PRDM1: variants seen among roughly 807,000 people sequenced by gnomAD.
PRDM1 encodes PR/SET domain 1.
PRDM1 carries 13 observed loss-of-function variants against 62.8 expected under a neutral mutation model. The observed-to-expected ratio is 0.21, with a 90% CI of 0.13 to 0.33. The LOEUF (loss-of-function observed/expected upper bound fraction) is 0.33. Ranked by LOEUF, PRDM1 falls within the 10% of genes least tolerant of loss-of-function variation. PRDM1 has a pLI of 1.00. For missense variants in PRDM1, 895 were observed against 1,058.8 expected (o/e 0.85, Z 2.15); for synonymous variants, 396 against 417.6 (o/e 0.95, Z 0.63).
intron 1 of PRDM1, among the ~76,000 whole-genome samples, chr6:106,075,703 G>C (rs1773594317): frequency 6.6e-6 from 1 of 152,064 alleles, no homozygotes; most frequent in South Asian, 2.1e-4. Flanking sequence ...TTCAGGTAAA[G>C]TTGCAGCAAG....
Position 106,106,772 on chromosome 6 carries a change from A to T in PRDM1, c.1903-139A>T. 1 of 1,035,702 alleles carries T rather than the reference A, an allele frequency of 9.7e-7. No individual in the cohort carries two copies. The highest frequency in any genetic ancestry group is 2.4e-5 in the East Asian group (1 of 41,078). 64.2% of individuals were successfully genotyped at this position (1,035,702 alleles called of 1,614,324 possible). A position where few individuals can be genotyped will look rare whatever the true frequency, so the allele number is the denominator to read the frequency against. On this transcript the variant is annotated intron_variant, in intron 6 of 6. Transcript: ENST00000369096. The surrounding 1 kb of genome is among the most constrained non-coding windows in gnomAD (Gnocchi z 4.4). ...CATCCCCCCGTTTGCTTAATACCAC[A>T]CTGGAGGTGCCACAAGGAGGCTTCT...
rs1442001161 is a variant in PRDM1, at chr6:106,108,209, A to G, written c.*723A>G. 8.6e-6 allele frequency: 2 copies of G among 233,500 alleles called. No individual in the cohort carries two copies. Among genetic ancestry groups the G allele is most frequent in the Admixed American group, 1.1e-4 (2 of 17,766 alleles). The allele number at this position is 233,500 out of a possible 1,614,324, so 14.5% of individuals were successfully genotyped here. Reference sequence around the variant, plus strand: ...AGAAACAAGAAAGGGAATCTTGTATATTTTTGTTGATAGTTCATGTTTTTC... The same window carrying G: ...AGAAACAAGAAAGGGAATCTTGTATGTTTTTGTTGATAGTTCATGTTTTTC... On this transcript the variant is annotated 3_prime_UTR_variant, in exon 7 of 7. Transcript: ENST00000369096.
intron 1 of PRDM1, among the ~76,000 whole-genome samples, chr6:106,022,426 A>ATT (rs67542176): frequency 1.1e-4 from 15 of 132,728 alleles, no homozygotes; most frequent in African/African-American, 2.3e-4. Flanking sequence ...CGCCCAGCTA[A>ATT]TTTTTTTTTT....
At chr6:106,047,091 C>G (rs1428217357), upstream of PRDM1, among the ~76,000 whole-genome samples, 1 of 152,188 alleles carries the variant, frequency 6.6e-6, no homozygotes, top group Non-Finnish European at 1.5e-5. Context: ...TCTTAACAAA[C>G]AGGACTAAGT....
At chr6:106,071,229 C>T (rs1773510826) in intron 1 of PRDM1, among the ~76,000 whole-genome samples, 1 of 151,918 alleles carries the variant, frequency 6.6e-6, no homozygotes, top group Non-Finnish European at 1.5e-5. Context: ...GCCAAGATCA[C>T]ACCACTGTAC....
chr6:106,067,142 A>G (rs1194755286), intron 1 of PRDM1, among the ~76,000 whole-genome samples: 2 of 152,200 alleles, frequency 1.3e-5, no homozygotes, highest in African/African-American at 4.8e-5. Context: ...CACCACCATT[A>G]CAAACAGCCT....
At chr6:106,025,008 T>C (rs1198323128) in intron 1 of PRDM1, among the ~76,000 whole-genome samples, 1 of 152,066 alleles carries the variant, frequency 6.6e-6, no homozygotes, top group Non-Finnish European at 1.5e-5. Flanking sequence ...CTTCCTTCCC[T>C]TGGCAAGGTA....
chr6:106,028,710 T>C (rs1772797789), intron 1 of PRDM1, among the ~76,000 whole-genome samples: 1 of 152,144 alleles, frequency 6.6e-6, no homozygotes. Flanking sequence ...ACATGTGATG[T>C]CATCACAGTT....
intron 1 of PRDM1, among the ~76,000 whole-genome samples, chr6:106,009,764 C>G (rs1772523651): frequency 6.6e-6 from 1 of 152,130 alleles, no homozygotes; most frequent in Non-Finnish European, 1.5e-5. Context: ...ATTGCCCAGG[C>G]TGGAGTGCAG....
At chr6:105,998,361 G>A (rs779410252) in intron 1 of PRDM1, among the ~76,000 whole-genome samples, 12 of 152,004 alleles carry the variant, frequency 7.9e-5, no homozygotes, top group Non-Finnish European at 1.6e-4. Flanking sequence ...AAGCCAGCCT[G>A]GACAACATAG....
chr6:106,099,303 T>C lies in PRDM1; in HGVS notation c.415T>C (p.Tyr139His). 3.1e-6 allele frequency: 5 copies of C among 1,614,132 alleles called. No homozygotes were observed. The highest frequency in any genetic ancestry group is 3.4e-6 in the Non-Finnish European group (4 of 1,180,012). ...GCCTGTCTTCTCTTTTGGACAGATC[T>C]ATTCCAGAGGGGAGCTTCACCACTT... ...NANRKYFWRIYSRGELHHFID... is the reference protein window; with the variant it reads ...NANRKYFWRIHSRGELHHFID... The change falls in exon 4 of 7, where the codon TAT becomes CAT. Residue 139 changes from tyrosine (Y) to histidine (H), a missense_variant. Transcript: ENST00000369096.
intron 1 of PRDM1, among the ~76,000 whole-genome samples, chr6:106,052,616 G>C (rs1391682786): frequency 6.6e-6 from 1 of 151,970 alleles, no homozygotes; most frequent in Non-Finnish European, 1.5e-5. Context: ...GCATTGGGTA[G>C]GATGGCAGAT....
At chr6:106,033,351 C>T (rs1385668102) in intron 1 of PRDM1, among the ~76,000 whole-genome samples, 1 of 150,256 alleles carries the variant, frequency 6.7e-6, no homozygotes, top group Non-Finnish European at 1.5e-5. Context: ...CAGAATCTCT[C>T]TATATTGCCC....
chr6:106,045,619 T>C (rs1257875371), upstream of PRDM1: 2 of 152,222 alleles, frequency 1.3e-5, no homozygotes, highest in Non-Finnish European at 2.9e-5. Flanking sequence ...GTAAAAACCT[T>C]GTTGACACTC....
rs1481124508 is a variant in PRDM1 at position 105,994,297 on chromosome 6, G to T, written c.-67+658G>T. Among the ~76,000 whole-genome samples the T allele has an allele frequency of 6.6e-6, 1 of 152,044 alleles. No homozygotes were observed. The highest frequency in any genetic ancestry group is 1.5e-5 in the Non-Finnish European group (1 of 68,010). On this transcript the variant is annotated intron_variant, in intron 1 of 6. Transcript: ENST00000652320. This position sits in a 1 kb window ranked among gnomAD's most constrained non-coding sequence, Gnocchi z 4.1. The stretch of plus-strand genomic sequence containing the variant: ...CGTTGTTGGAAAAGCAAATTCCACG[G>T]TGAACTCTACCAAGCTCAGCGCGTA...
At chr6:106,003,338 A>C (rs979307072) in intron 1 of PRDM1, among the ~76,000 whole-genome samples, 2 of 152,166 alleles carry the variant, frequency 1.3e-5, no homozygotes, top group African/African-American at 4.8e-5. Context: ...GGACATTTTA[A>C]ATAATTTAGT....
At chr6:106,036,224 C>T (rs945654756) in intron 1 of PRDM1, among the ~76,000 whole-genome samples, 17 of 152,070 alleles carry the variant, frequency 1.1e-4, no homozygotes, top group African/African-American at 3.9e-4. Context: ...TCTCAGCTTA[C>T]TGGAACCTCT....
intron 1 of PRDM1, among the ~76,000 whole-genome samples, chr6:106,003,749 T>C (rs1329683414): frequency 1.3e-5 from 2 of 152,200 alleles, no homozygotes; most frequent in African/African-American, 4.8e-5. Context: ...TTGTAGGTGG[T>C]TTATCTGGAA....
chr6:106,107,279 G>A lies in PRDM1; in HGVS notation c.2271G>A (p.Lys757=), dbSNP rs74857720. The change falls in exon 7 of 7, where the codon AAG becomes AAA. Residue 757 remains lysine (K), a synonymous_variant. Coordinates refer to ENST00000369096, the MANE Select transcript of PRDM1 (RefSeq NM_001198.4). ...DDISVISVVE[K]EILAVVRKEK... The stretch of plus-strand genomic sequence containing the variant: ...TCAGTGTGATCTCTGTAGTGGAGAA[G>A]GAAATTCTGGCCGTGGTCAGAAAAG... The A allele has an allele frequency of 7.4e-4, 1,199 of 1,614,178 alleles. 6 individuals are homozygous for A. The African/African-American group carries it at 0.014, about 19-fold the overall frequency.
Sources: allele counts gnomAD v4.1 joint callset (sites outside exome capture counted in the v4.1 genomes callset), GRCh38; gene constraint gnomAD v4.1.1; non-coding constraint Gnocchi (gnomAD v3.1); transcripts MANE v1.5; gene names NCBI Gene and HGNC (gene_info 2026-07-23, HGNC 2026-07-21).